Variants in TBC1D22A observed in about 807,000 individuals in gnomAD.
TBC1D22A encodes the protein putative GTPase activator.
A neutral mutation model predicts 60.2 loss-of-function variants in TBC1D22A; 38 were observed. The ratio of observed to expected loss-of-function variants is 0.63; its 90% CI spans 0.49 to 0.83. The LOEUF is 0.83. Among genes scored for constraint, TBC1D22A ranks in the 40% least tolerant of loss-of-function variants. The pLI, the probability that TBC1D22A is intolerant of heterozygous loss-of-function variation, is 0.00. For synonymous variants in TBC1D22A, 302 were observed against 281.7 expected (o/e 1.07, Z -0.72); for missense variants, 628 against 701.0 (o/e 0.90, Z 1.18).
intron 4 of TBC1D22A, among the ~76,000 whole-genome samples, chr22:46,868,724 T>C (rs2067169101): frequency 6.6e-6 from 1 of 152,220 alleles, no homozygotes; most frequent in African/African-American, 2.4e-5. Context: ...AACTTTCTAC[T>C]CTGAAGCAGA....
At chr22:46,916,841 A>G (rs2070399878) in intron 8 of TBC1D22A, among the ~76,000 whole-genome samples, 1 of 152,202 alleles carries the variant, frequency 6.6e-6, no homozygotes, top group Non-Finnish European at 1.5e-5. Context: ...AAAACTCTAC[A>G]AGTGAAAACG....
intron 12 of TBC1D22A, among the ~76,000 whole-genome samples, chr22:47,127,018 A>G (rs975731731): frequency 4.6e-5 from 7 of 152,164 alleles, no homozygotes; most frequent in African/African-American, 1.7e-4. Context: ...CAATATCCAC[A>G]TACACACGTG....
chr22:46,841,047 G>GTGTGTGTGTGTGT lies in TBC1D22A; in HGVS notation c.638-37606_638-37605insTGTGTGTGTGTGT, dbSNP rs1555909300. 4.2e-4 allele frequency among the ~76,000 whole-genome samples: 62 copies of GTGTGTGTGTGTGT among 147,540 alleles called. 1 individual carries two copies. In the Middle Eastern group the frequency reaches 0.01, roughly 25 times the overall value. ...GATGAATGAATGAGTAATGAAAATG[G>GTGTGTGTGTGTGT]GTGTGTGTGTGTGTGTGTGTGTGTG... is the stretch of plus-strand genomic sequence containing the variant. On this transcript the variant is annotated intron_variant, in intron 4 of 12. Transcript: ENST00000337137.
chr22:47,044,616 G>A (rs2062968705), intron 11 of TBC1D22A, among the ~76,000 whole-genome samples: 1 of 152,182 alleles, frequency 6.6e-6, no homozygotes, highest in Non-Finnish European at 1.5e-5. Flanking sequence ...TAAGATTTGA[G>A]GTCGTAAGCT....
At chr22:47,020,107 G>C (rs1289415643) in intron 10 of TBC1D22A, among the ~76,000 whole-genome samples, 1 of 152,190 alleles carries the variant, frequency 6.6e-6, no homozygotes, top group Non-Finnish European at 1.5e-5. Flanking sequence ...CTTTTACTGG[G>C]TCTTGCTCTT....
intron 8 of TBC1D22A, among the ~76,000 whole-genome samples, chr22:46,941,668 AATAT>A (rs1473422305): frequency 2.0e-5 from 3 of 147,400 alleles, no homozygotes; most frequent in South Asian, 4.2e-4. Context: ...ATATACGCGG[AATAT>A]ATATACGGAA....
At chr22:47,049,456 C>T (rs1466438373) in intron 11 of TBC1D22A, among the ~76,000 whole-genome samples, 2 of 152,238 alleles carry the variant, frequency 1.3e-5, no homozygotes, top group Admixed American at 6.5e-5. Context: ...GCCTCCTTCA[C>T]TTCCTGTTTT....
chr22:46,831,344 G>T (rs1412290043), intron 4 of TBC1D22A, among the ~76,000 whole-genome samples: 1 of 152,114 alleles, frequency 6.6e-6, no homozygotes, highest in Non-Finnish European at 1.5e-5. Context: ...TTTAACGGTT[G>T]TGGGAACCGA....
chr22:46,851,621 G>GCT (rs2087282345), intron 4 of TBC1D22A, among the ~76,000 whole-genome samples: 1 of 152,258 alleles, frequency 6.6e-6, no homozygotes, highest in Admixed American at 6.5e-5. Context: ...AGTCCTGGGA[G>GCT]CTCTCCTCTG....
chr22:46,970,279 G>A (rs978663842), intron 8 of TBC1D22A, among the ~76,000 whole-genome samples: 1 of 150,104 alleles, frequency 6.7e-6, no homozygotes, highest in Non-Finnish European at 1.5e-5. Context: ...CCCACCCTCC[G>A]TTGATTGGCA....
chr22:46,774,241 C>T lies in TBC1D22A; in HGVS notation c.62+11393C>T, dbSNP rs141478543. The T allele has an allele frequency of 2.9e-3, 2,824 of 985,600 alleles. 4 individuals carry two copies. Among genetic ancestry groups the T allele is most frequent in the Non-Finnish European group, 3.1e-3 (2,584 of 830,064 alleles). 61.1% of individuals were successfully genotyped at this position (985,600 alleles called of 1,614,324 possible). ...AGAGATTCTTCTGGAGTGAGGTGAG[C>T]AGCTTGTTCTAGGTCCCCCCTGGTG... is the stretch of plus-strand genomic sequence containing the variant. On this transcript the variant is annotated intron_variant, in intron 1 of 12. Transcript: ENST00000337137.
chr22:46,909,880 G>C (rs1265457819), intron 7 of TBC1D22A, among the ~76,000 whole-genome samples: 1 of 152,204 alleles, frequency 6.6e-6, no homozygotes, highest in Non-Finnish European at 1.5e-5. Context: ...CTGGGGCTGC[G>C]CGTTGGTGAC....
At chr22:47,150,841 A>C (rs1931646528) in intron 12 of TBC1D22A, among the ~76,000 whole-genome samples, 1 of 152,116 alleles carries the variant, frequency 6.6e-6, no homozygotes, top group South Asian at 2.1e-4. Flanking sequence ...GGGACCAGAT[A>C]GCTAGAGACC....
At chr22:47,018,315 C>T (rs770338420) in intron 10 of TBC1D22A, among the ~76,000 whole-genome samples, 1 of 152,100 alleles carries the variant, frequency 6.6e-6, no homozygotes, top group Middle Eastern at 3.2e-3. Flanking sequence ...CTGTTCTGGG[C>T]GCACATGCAA....
intron 12 of TBC1D22A, among the ~76,000 whole-genome samples, chr22:47,135,901 C>T (rs2066851002): frequency 6.6e-6 from 1 of 152,038 alleles, no homozygotes; most frequent in African/African-American, 2.4e-5. Context: ...AGCGCTTGTT[C>T]ACTGAGCACG....
chr22:46,772,750 T>G (rs813903), intron 1 of TBC1D22A, among the ~76,000 whole-genome samples: 87,351 of 129,828 alleles, frequency 0.67, 30,577 homozygotes, highest in Middle Eastern at 0.81. Flanking sequence ...GGGTTCAAGC[T>G]ATTCTCCTGC....
At chr22:46,912,003 T>G in intron 7 of TBC1D22A, 71 bp from the exon 8 acceptor site, 4 of 965,802 alleles carry the variant, frequency 4.1e-6, no homozygotes, top group Non-Finnish European at 6.7e-6. Flanking sequence ...TTTTAAGTAA[T>G]AGAATGCTTT....
intron 10 of TBC1D22A, among the ~76,000 whole-genome samples, chr22:47,017,059 GA>G (rs2061932840): frequency 6.6e-6 from 1 of 152,242 alleles, no homozygotes; most frequent in African/African-American, 2.4e-5. Flanking sequence ...TGGCCGTGAG[GA>G]AAAGCTTTTC....
intron 11 of TBC1D22A, among the ~76,000 whole-genome samples, chr22:47,066,799 C>G (rs1603225880): frequency 6.6e-6 from 1 of 152,168 alleles, no homozygotes; most frequent in African/African-American, 2.4e-5. Flanking sequence ...TACCTCTGCT[C>G]TCCTCCCTTG....
Sources: allele counts gnomAD v4.1 joint callset (sites outside exome capture counted in the v4.1 genomes callset), GRCh38; gene constraint gnomAD v4.1.1; transcripts MANE v1.5; gene names NCBI Gene and HGNC (gene_info 2026-07-23, HGNC 2026-07-21).